Variants in JDP2 observed in about 807,000 individuals in gnomAD.
JDP2 encodes Jun dimerization protein 2.
In JDP2, 9 loss-of-function variants were observed where a neutral mutation model predicts 17.1. The observed-to-expected ratio is 0.53, with a 90% confidence interval of 0.32 to 0.92. The LOEUF is 0.92. Ranked by LOEUF, JDP2 falls within the 40% of genes least tolerant of loss-of-function variation. The pLI is 0.04. For synonymous variants in JDP2, 107 were observed against 95.6 expected (o/e 1.12, Z -0.69); for missense variants, 179 against 220.0 (o/e 0.81, Z 1.18).
chr14:75,447,109 T>C (rs894702981), intron 2 of JDP2, among the ~76,000 whole-genome samples: 1 of 152,252 alleles, frequency 6.6e-6, no homozygotes, highest in Non-Finnish European at 1.5e-5. Flanking sequence ...GACTACTGAT[T>C]AGAATTCCCC....
intron 2 of JDP2, among the ~76,000 whole-genome samples, chr14:75,439,578 C>T (rs1206725312): frequency 6.6e-6 from 1 of 152,200 alleles, no homozygotes; most frequent in East Asian, 1.9e-4. Flanking sequence ...CTTCATTTAC[C>T]TCTACTGCCT....
chr14:75,458,194 G>T (rs1886199148), intron 2 of JDP2, among the ~76,000 whole-genome samples: 1 of 152,182 alleles, frequency 6.6e-6, no homozygotes, highest in South Asian at 2.1e-4. Flanking sequence ...TTAAGTTCAG[G>T]GGTATGTGTG....
chr14:75,452,282 G>A (rs1419997074), intron 2 of JDP2, among the ~76,000 whole-genome samples: 1 of 152,202 alleles, frequency 6.6e-6, no homozygotes, highest in Non-Finnish European at 1.5e-5. Context: ...CAGCTTGGCA[G>A]CCTCGGGCAG....
In JDP2 at chr14:75,428,214, G is replaced by T. The variant is rs1884616230; in HGVS notation, c.-62G>T. On this transcript the variant is annotated 5_prime_UTR_variant, in exon 1 of 4. Transcript: ENST00000651602. The surrounding 1 kb of genome is among the most constrained non-coding windows in gnomAD (Gnocchi z 5.6). ...GGCACGGCGCCTGCAGCCGGGCCCC[G>T]GCCCCGGGGGCGCCGCCTCCCCCCG... The T allele has an allele frequency of 6.9e-6, 1 of 145,820 alleles. No individual in the cohort carries two copies. Among genetic ancestry groups the T allele is most frequent in the Admixed American group, 6.8e-5 (1 of 14,712 alleles). The allele number at this position is 145,820 out of a possible 1,614,324, so 9.0% of individuals were successfully genotyped here.
intron 2 of JDP2, among the ~76,000 whole-genome samples, chr14:75,448,382 C>T (rs922285957): frequency 6.6e-6 from 1 of 152,136 alleles, no homozygotes; most frequent in African/African-American, 2.4e-5. Context: ...ATGCAATAAG[C>T]CCCCCAGGGG....
chr14:75,459,820 G>T (rs1421629770), intron 2 of JDP2, among the ~76,000 whole-genome samples: 2 of 152,216 alleles, frequency 1.3e-5, no homozygotes, highest in Non-Finnish European at 2.9e-5. Flanking sequence ...CTACCAGGTA[G>T]GTAGGCAAGA....
At position 75,461,915 on chromosome 14, in the gene JDP2, T is replaced by A. The variant is rs553505499; in HGVS notation, c.306+385T>A. Among the ~76,000 whole-genome samples, 3 of 152,298 alleles carry A rather than the reference T, an allele frequency of 2.0e-5. No homozygotes were observed. In the South Asian group the frequency reaches 6.2e-4, roughly 32 times the overall value. ...GTGCCAATGAAGCTAGGTAGTAACA[T>A]CCTGCATGTGGGCACTGGACACAGC... On this transcript the variant is annotated intron_variant, in intron 3 of 3. Coordinates refer to ENST00000651602, the MANE Select transcript of JDP2 (RefSeq NM_001135048.2).
At chr14:75,436,956 G>C (rs1885090754) in intron 1 of JDP2, among the ~76,000 whole-genome samples, 1 of 152,182 alleles carries the variant, frequency 6.6e-6, no homozygotes, top group South Asian at 2.1e-4. Flanking sequence ...CACTTTGGGA[G>C]GCCAAGGTGG....
At chr14:75,435,202 T>G (rs528374534) in intron 1 of JDP2, among the ~76,000 whole-genome samples, 10 of 152,344 alleles carry the variant, frequency 6.6e-5, no homozygotes, top group African/African-American at 2.4e-4. Flanking sequence ...CGTGGCAGGC[T>G]GCAGCCCTCT....
intron 2 of JDP2, among the ~76,000 whole-genome samples, chr14:75,449,059 T>C (rs1324634702): frequency 6.6e-6 from 1 of 152,204 alleles, no homozygotes. Flanking sequence ...TTAGCTGGTG[T>C]TCAGTATTCT....
At chr14:75,446,745 C>T (rs1035350947) in intron 2 of JDP2, among the ~76,000 whole-genome samples, 2 of 152,100 alleles carry the variant, frequency 1.3e-5, no homozygotes, top group Non-Finnish European at 1.5e-5. Context: ...GTGATAGTTG[C>T]ACAACTCTGG....
intron 3 of JDP2, 26 bp from the exon 4 acceptor site, chr14:75,469,264 C>T (rs745613540): frequency 6.2e-7 from 1 of 1,602,142 alleles, no homozygotes; most frequent in South Asian, 1.1e-5. Context: ...GTGAAACTCA[C>T]AGCGTGCTTC....
At chr14:75,446,778 G>A (rs997426766) in intron 2 of JDP2, among the ~76,000 whole-genome samples, 3 of 152,312 alleles carry the variant, frequency 2.0e-5, no homozygotes, top group South Asian at 4.1e-4. Context: ...TTGGTGAATT[G>A]TATACTTTAA....
Position 75,442,289 on chromosome 14 carries a change from A to T in JDP2, c.201+4168A>T, listed in dbSNP as rs372796224. On this transcript the variant is annotated intron_variant, in intron 2 of 3. Transcript: ENST00000651602. The stretch of plus-strand genomic sequence containing the variant: ...TGGACTCTCTGGCTTCTTTTAAAAA[A>T]CCAGAATATCTACCCACTTAAGGCC... 4.9e-4 allele frequency among the ~76,000 whole-genome samples: 75 copies of T among 152,236 alleles called. 2 individuals are homozygous for T. The highest frequency in any genetic ancestry group is 3.7e-3 in the South Asian group (18 of 4,814).
intron 2 of JDP2, among the ~76,000 whole-genome samples, chr14:75,453,562 T>C (rs546967317): frequency 6.6e-6 from 1 of 152,352 alleles, no homozygotes; most frequent in East Asian, 1.9e-4. Flanking sequence ...ATCACGGAAC[T>C]CTTCCTGTGC....
At chr14:75,458,704 G>A (rs1333721029) in intron 2 of JDP2, among the ~76,000 whole-genome samples, 2 of 152,196 alleles carry the variant, frequency 1.3e-5, no homozygotes, top group Non-Finnish European at 2.9e-5. Flanking sequence ...TTGCTGGATT[G>A]AATAGTATTT....
At chr14:75,436,152 G>A (rs1885053516) in intron 1 of JDP2, among the ~76,000 whole-genome samples, 1 of 152,224 alleles carries the variant, frequency 6.6e-6, no homozygotes, top group Non-Finnish European at 1.5e-5. Flanking sequence ...AAAGTGAAAT[G>A]TAGATGGAGA....
At chr14:75,449,962 G>C (rs556822468) in intron 2 of JDP2, among the ~76,000 whole-genome samples, 7 of 152,154 alleles carry the variant, frequency 4.6e-5, no homozygotes, top group Non-Finnish European at 1.0e-4. Flanking sequence ...GTGGAAATGG[G>C]GCTGTTCTCC....
chr14:75,429,513 G>T (rs111532667), intron 1 of JDP2, among the ~76,000 whole-genome samples: 1 of 152,042 alleles, frequency 6.6e-6, no homozygotes, highest in African/African-American at 2.4e-5. Flanking sequence ...CTGCATTCGC[G>T]TATCATCTCC....
Sources: gnomAD v4.1 joint callset for allele counts (sites outside exome capture counted in the v4.1 genomes callset) on GRCh38, gnomAD v4.1.1 for gene constraint, Gnocchi (gnomAD v3.1) non-coding constraint, MANE v1.5 for transcripts, NCBI Gene and HGNC (gene_info 2026-07-23, HGNC 2026-07-21) for gene names.